The following CDH20 variants were observed in gnomAD, a reference collection of about 807,000 sequenced individuals.
CDH20 encodes the protein cadherin 20.
CDH20 carries 29 observed loss-of-function variants against 74.2 expected under a neutral mutation model. The ratio of observed to expected loss-of-function variants is 0.39; its 90% CI spans 0.29 to 0.53. CDH20 has a LOEUF of 0.53. CDH20 is among the 20% of genes least tolerant of loss of function. CDH20 has a pLI of 0.69. For missense variants in CDH20, 988 were observed against 1,048.3 expected, an observed-to-expected ratio of 0.94 and a Z score of 0.79; for synonymous variants, 469 against 405.4, an observed-to-expected ratio of 1.16 and a Z score of -1.88.
At chr18:61,348,272 T>G (rs1910197195) in intron 1 of CDH20, among the ~76,000 whole-genome samples, 1 of 152,240 alleles carries the variant, frequency 6.6e-6, no homozygotes. Context: ...TTGAACTATC[T>G]CTGATCCTTT....
At chr18:61,469,178 T>C (rs1910070655) in intron 1 of CDH20, among the ~76,000 whole-genome samples, 1 of 152,182 alleles carries the variant, frequency 6.6e-6, no homozygotes, top group African/African-American at 2.4e-5. Context: ...CATGTCAGCC[T>C]CTGCTTCAGA....
At chr18:61,533,801 AG>A (rs1455313542) in intron 7 of CDH20, among the ~76,000 whole-genome samples, 9 of 152,180 alleles carry the variant, frequency 5.9e-5, no homozygotes, top group Non-Finnish European at 1.2e-4. Context: ...TTCTTGTATA[AG>A]GGGTCAGATA....
chr18:61,470,534 A>G lies in CDH20; in HGVS notation c.-152-19868A>G, dbSNP rs1450625089. Among the ~76,000 whole-genome samples, 3 of 152,306 alleles carry G rather than the reference A, an allele frequency of 2.0e-5. No individual in the cohort carries two copies. In the East Asian group the frequency reaches 5.8e-4, roughly 29 times the overall value. ...TGCTTTTCACCAAGTGTATTCAGCC[A>G]TGTATAGACATATTGGCTGAGATGC... On this transcript the variant is annotated intron_variant, in intron 1 of 11. Coordinates refer to ENST00000262717, the MANE Select transcript of CDH20 (RefSeq NM_031891.4).
chr18:61,431,612 G>C (rs188712653), intron 1 of CDH20, among the ~76,000 whole-genome samples: 9 of 151,990 alleles, frequency 5.9e-5, no homozygotes, highest in Non-Finnish European at 1.0e-4. Context: ...ATATCTTAAA[G>C]AAAAAAAGAC....
intron 1 of CDH20, among the ~76,000 whole-genome samples, chr18:61,462,264 T>C (rs1340365289): frequency 6.6e-6 from 1 of 152,176 alleles, no homozygotes; most frequent in Non-Finnish European, 1.5e-5. Flanking sequence ...AATGTATACA[T>C]ATATCAAAAC....
At chr18:61,476,840 G>T (rs1442266953) in intron 1 of CDH20, among the ~76,000 whole-genome samples, 1 of 152,104 alleles carries the variant, frequency 6.6e-6, no homozygotes, top group African/African-American at 2.4e-5. Flanking sequence ...GGCCATTTGG[G>T]AATCTCTCTT....
intron 6 of CDH20, among the ~76,000 whole-genome samples, chr18:61,510,992 TTGTTTA>T (rs1403103622): frequency 6.7e-6 from 1 of 148,652 alleles, no homozygotes; most frequent in East Asian, 2.0e-4. Context: ...TTTTTTTTTT[TTGTTTA>T]TTTGTTTGAA....
At chr18:61,496,727 G>A (rs1017536470) in intron 2 of CDH20, among the ~76,000 whole-genome samples, 14 of 152,170 alleles carry the variant, frequency 9.2e-5, no homozygotes, top group Non-Finnish European at 1.6e-4. Flanking sequence ...AGAGCACCTC[G>A]GAACAGTCCT....
At chr18:61,477,426 T>C (rs575237639) in intron 1 of CDH20, among the ~76,000 whole-genome samples, 40 of 152,332 alleles carry the variant, frequency 2.6e-4, no homozygotes, top group South Asian at 6.2e-4. Flanking sequence ...ATAGAATAGA[T>C]TTTGTACTTA....
At chr18:61,470,882 T>C (rs1224009382) in intron 1 of CDH20, among the ~76,000 whole-genome samples, 5 of 151,838 alleles carry the variant, frequency 3.3e-5, no homozygotes, top group Non-Finnish European at 5.9e-5. Context: ...CTCCTCTTTC[T>C]CTCCCTCCCT....
At chr18:61,381,523 A>C (rs74524160) in intron 1 of CDH20, among the ~76,000 whole-genome samples, 10,755 of 152,264 alleles carry the variant, frequency 0.071, 536 homozygotes, top group East Asian at 0.13. Flanking sequence ...ATAGAGAGGT[A>C]CCACTCTAGT....
chr18:61,472,790 C>T (rs1910230286), intron 1 of CDH20, among the ~76,000 whole-genome samples: 1 of 152,174 alleles, frequency 6.6e-6, no homozygotes, highest in Admixed American at 6.5e-5. Context: ...AAATCTTTAT[C>T]TCGACTTGAT....
At chr18:61,541,763 A>ACAAGT (rs1216718038) in intron 9 of CDH20, among the ~76,000 whole-genome samples, 2 of 152,222 alleles carry the variant, frequency 1.3e-5, no homozygotes, top group Admixed American at 6.5e-5. Flanking sequence ...TTCACATCTG[A>ACAAGT]CAAGTCCAGA....
rs535442844 is a variant in CDH20 at position 61,540,488 on chromosome 18, A to T, written c.1530+1343A>T. Among the ~76,000 whole-genome samples the T allele has an allele frequency of 2.6e-5, 4 of 152,344 alleles. No individual in the cohort carries two copies. The East Asian group carries it at 7.7e-4, about 29-fold the overall frequency. ...CGGTGGAAGGCGAAAGGCACATCTT[A>T]CATGGCAGCAGGCAAGACAGACTAA... is the stretch of plus-strand genomic sequence containing the variant. On this transcript the variant is annotated intron_variant, in intron 9 of 11. Transcript: ENST00000262717.
At chr18:61,350,689 C>T (rs576628661) in intron 1 of CDH20, among the ~76,000 whole-genome samples, 1 of 152,180 alleles carries the variant, frequency 6.6e-6, no homozygotes, top group Admixed American at 6.5e-5. Flanking sequence ...TTGCTCACCT[C>T]ATAGTTCAGC....
chr18:61,516,223 C>G (rs1376883210), intron 6 of CDH20, among the ~76,000 whole-genome samples: 1 of 152,198 alleles, frequency 6.6e-6, no homozygotes, highest in Non-Finnish European at 1.5e-5. Context: ...TATCACTCAA[C>G]CAGTAAATGT....
At chr18:61,371,806 G>T (rs930109501) in intron 1 of CDH20, among the ~76,000 whole-genome samples, 4 of 74,326 alleles carry the variant, frequency 5.4e-5, no homozygotes, top group Non-Finnish European at 8.0e-5. Context: ...ATTCATTACG[G>T]TATAGGAAAA....
chr18:61,468,330 T>C (rs1032135343), intron 1 of CDH20, among the ~76,000 whole-genome samples: 1 of 152,198 alleles, frequency 6.6e-6, no homozygotes, highest in African/African-American at 2.4e-5. Flanking sequence ...AGTATTTTTC[T>C]TTATGGCCCC....
intron 1 of CDH20, among the ~76,000 whole-genome samples, chr18:61,400,332 C>A (rs950809978): frequency 6.6e-6 from 1 of 152,170 alleles, no homozygotes; most frequent in African/African-American, 2.4e-5. Context: ...CAGAGCAAGG[C>A]AAAGTAGATA....
Sources: allele counts gnomAD v4.1 joint callset (sites outside exome capture counted in the v4.1 genomes callset), GRCh38; gene constraint gnomAD v4.1.1; transcripts MANE v1.5; gene names NCBI Gene and HGNC (gene_info 2026-07-23, HGNC 2026-07-21).